REXO5: variants seen among roughly 807,000 people sequenced by gnomAD.
REXO5 encodes RNA exonuclease 5, also known as exonuclease NEF-sp.
A neutral mutation model predicts 88.5 loss-of-function variants in REXO5; 48 were observed. That is an observed-to-expected ratio of 0.54 (90% CI 0.43 to 0.69). The LOEUF (loss-of-function observed/expected upper bound fraction) is 0.69, where lower values mean the gene tolerates loss of function less well. REXO5 is among the 30% of genes least tolerant of loss of function. The pLI is 0.00. For synonymous variants in REXO5, 311 were observed against 336.5 expected, an observed-to-expected ratio of 0.92 and a Z score of 0.83; for missense variants, 749 against 912.2, an observed-to-expected ratio of 0.82 and a Z score of 2.30.
intron 5 of REXO5, among the ~76,000 whole-genome samples, chr16:20,819,042 T>G (rs1399669014): frequency 6.6e-6 from 1 of 152,236 alleles, no homozygotes; most frequent in Non-Finnish European, 1.5e-5. Flanking sequence ...TTTCTGTTTC[T>G]GCATTTGCTG....
intron 7 of REXO5, chr16:20,825,613 T>C (rs1172768222): frequency 2.0e-6 from 1 of 490,946 alleles, no homozygotes; most frequent in African/African-American, 1.9e-5. Context: ...GCATTCATCT[T>C]CTTTGTGCAG....
chr16:20,820,748 G>C (rs1186842082), intron 5 of REXO5, among the ~76,000 whole-genome samples: 1 of 150,536 alleles, frequency 6.6e-6, no homozygotes, highest in Non-Finnish European at 1.5e-5. Context: ...GTTTTTAGTA[G>C]AGATGGGGTT....
intron 8 of REXO5, 50 bp downstream of exon 8, chr16:20,825,998 G>A (rs757722121): frequency 2.5e-6 from 3 of 1,204,288 alleles, no homozygotes; most frequent in Non-Finnish European, 3.6e-6. Context: ...GGGCTAGAAT[G>A]GAATAATACT....
Position 20,821,339 on chromosome 16 carries a change from T to C in REXO5, c.476-423T>C, listed in dbSNP as rs55702229. Among the ~76,000 whole-genome samples the C allele has an allele frequency of 1.6e-3, 239 of 152,304 alleles. 1 individual carries two copies. The highest frequency in any genetic ancestry group is 5.3e-3 in the African/African-American group (221 of 41,568). On this transcript the variant is annotated intron_variant, in intron 5 of 19. Transcript: ENST00000261377. The stretch of plus-strand genomic sequence containing the variant: ...TCTCGCTCTGCTGCCCAGGCTGGAG[T>C]GCAGTGGCGCGATCTCGGCTCACTG...
At chr16:20,827,013 C>A in intron 8 of REXO5, 45 bp from the exon 9 acceptor site, 1 of 1,581,178 alleles carries the variant, frequency 6.3e-7, no homozygotes, top group Non-Finnish European at 8.6e-7. Flanking sequence ...GAGAGGAAAA[C>A]TTGTTAATAT....
chr16:20,808,440 G>A (rs891296127), intron 2 of REXO5, among the ~76,000 whole-genome samples: 3 of 152,108 alleles, frequency 2.0e-5, no homozygotes, highest in Non-Finnish European at 4.4e-5. Flanking sequence ...ATGAGCCACT[G>A]CACCCAGCTA....
intron 5 of REXO5, among the ~76,000 whole-genome samples, chr16:20,816,853 A>T (rs1256659817): frequency 1.3e-5 from 2 of 152,178 alleles, no homozygotes; most frequent in Non-Finnish European, 2.9e-5. Context: ...GGGAAGGAAG[A>T]TCTTGCCTTT....
At chr16:20,836,904 T>G (rs916929335) in intron 13 of REXO5, among the ~76,000 whole-genome samples, 2 of 152,242 alleles carry the variant, frequency 1.3e-5, no homozygotes, top group African/African-American at 4.8e-5. Flanking sequence ...ATATGCTTAT[T>G]TGCTATATGT....
chr16:20,846,248 G>C lies in REXO5; in HGVS notation c.2152G>C (p.Ala718Pro). 2 of 1,614,054 alleles carry C rather than the reference G, an allele frequency of 1.2e-6. No individual in the cohort carries two copies. Among genetic ancestry groups the C allele is most frequent in the Non-Finnish European group, 1.7e-6 (2 of 1,179,942 alleles). ...QTLKLDHPKI[A>P]AWRWSRKIGK... is the part of the protein sequence containing the mutation. ...TCTGAAACTGGACCACCCGAAGATA[G>C]CAGCCTGGCGCTGGAGCCGGAAGAT... is the stretch of plus-strand genomic sequence containing the variant. Residue 718 changes from alanine (A) to proline (P), a missense_variant, in exon 19 of 20, where the codon GCA becomes CCA. By Grantham distance (27) the Ala-to-Pro change is conservative (BLOSUM62 -1). Transcript: ENST00000261377.
chr16:20,808,841 G>A (rs1025641155), intron 2 of REXO5: 2 of 151,314 alleles, frequency 1.3e-5, no homozygotes, highest in Admixed American at 6.6e-5. Flanking sequence ...GGACTTAAGC[G>A]ATCTGTCCAC....
intron 2 of REXO5, among the ~76,000 whole-genome samples, chr16:20,811,131 G>A (rs1450424467): frequency 6.6e-6 from 1 of 152,114 alleles, no homozygotes; most frequent in Admixed American, 6.6e-5. Context: ...CTCAGCTTCT[G>A]CTCCTAGTCC....
intron 11 of REXO5, among the ~76,000 whole-genome samples, chr16:20,829,273 A>G (rs142962691): frequency 1.3e-5 from 2 of 152,142 alleles, no homozygotes; most frequent in African/African-American, 4.8e-5. Context: ...ACTAAGCACT[A>G]TCCTGGTGGT....
rs2081587586 is a variant in REXO5 at position 20,845,149 on chromosome 16, C to G, written c.2032C>G (p.Leu678Val). Residue 678 changes from leucine to valine, a missense_variant, in exon 18 of 20, where the codon CTC becomes GTC. Physicochemically the swap from Leu to Val is conservative, Grantham distance 32. Coordinates refer to ENST00000261377, the MANE Select transcript of REXO5 (RefSeq NM_030941.3). ...CAGGCATGCCCTAACCCCCAGGCAC[C>G]TCCATGCCTGGCTCAGAGGCTTACC... ...KGRHALTPRHLHAWLRGLPPE... is the reference protein window; with the variant it reads ...KGRHALTPRHVHAWLRGLPPE... 1 of 1,613,958 alleles carries G rather than the reference C, an allele frequency of 6.2e-7. No individual in the cohort carries two copies. Among genetic ancestry groups the G allele is most frequent in the African/African-American group, 1.3e-5 (1 of 74,930 alleles).
At chr16:20,821,236 C>T (rs1299872458) in intron 5 of REXO5, among the ~76,000 whole-genome samples, 1 of 152,128 alleles carries the variant, frequency 6.6e-6, no homozygotes, top group African/African-American at 2.4e-5. Context: ...TATTCCTCCT[C>T]CTATCCCTTT....
intron 3 of REXO5, 61 bp from the exon 4 acceptor site, chr16:20,814,866 A>T: frequency 3.9e-6 from 6 of 1,534,556 alleles, no homozygotes; most frequent in Non-Finnish European, 5.3e-6. Context: ...TTTCCCCTCT[A>T]TATGACTGTA....
At chr16:20,810,381 G>C (rs745974956) in intron 2 of REXO5, among the ~76,000 whole-genome samples, 5 of 151,530 alleles carry the variant, frequency 3.3e-5, no homozygotes, top group Non-Finnish European at 7.4e-5. Flanking sequence ...GTAATACAGG[G>C]TTCATTCTAT....
At chr16:20,824,367 C>T (rs2081229948) in intron 6 of REXO5, 72 bp from the exon 7 acceptor site, 2 of 828,048 alleles carry the variant, frequency 2.4e-6, no homozygotes, top group African/African-American at 1.7e-5. Context: ...TGTAGTTTTA[C>T]CTGCTTGAAT....
In REXO5 at chr16:20,827,364, A is replaced by G. The variant is rs770083755; in HGVS notation, c.972A>G (p.Pro324=). The G allele has an allele frequency of 1.9e-6, 3 of 1,612,938 alleles. No individual in the cohort carries two copies. Among genetic ancestry groups the G allele is most frequent in the Middle Eastern group, 1.7e-4 (1 of 6,058 alleles). The change falls in exon 10 of 20, where the codon CCA becomes CCG. Residue 324 remains proline (P), a synonymous_variant. Transcript: ENST00000261377. The part of the protein sequence containing the change: ...LDLRALKMIH[P]YVIDTSLLYV... The stretch of plus-strand genomic sequence containing the variant: ...TCTTTCTTCCTCAGATGATACATCC[A>G]TATGTTATTGATACATCGTTGCTTT...
chr16:20,847,866 C>G (rs2081634244), intron 19 of REXO5, among the ~76,000 whole-genome samples: 1 of 152,136 alleles, frequency 6.6e-6, no homozygotes, highest in Non-Finnish European at 1.5e-5. Flanking sequence ...TACAGTCCAC[C>G]ATTGTTTAGG....
Sources: allele counts gnomAD v4.1 joint callset (sites outside exome capture counted in the v4.1 genomes callset), GRCh38; gene constraint gnomAD v4.1.1; transcripts MANE v1.5; gene names NCBI Gene and HGNC (gene_info 2026-07-23, HGNC 2026-07-21).